Variants in RABGEF1 observed in about 807,000 individuals in gnomAD.
The protein encoded by RABGEF1 is RAB guanine nucleotide exchange factor 1, also known as rab5 GDP/GTP exchange factor.
RABGEF1 carries 26 observed loss-of-function variants against 57.3 expected under a neutral mutation model. The ratio of observed to expected loss-of-function variants is 0.45; its 90% CI spans 0.33 to 0.63. The LOEUF is 0.63. RABGEF1 is among the 20% of genes least tolerant of loss of function. The pLI is 0.02. For missense variants in RABGEF1, 464 were observed against 607.6 expected, an observed-to-expected ratio of 0.76 and a Z score of 2.48; for synonymous variants, 185 against 210.7, an observed-to-expected ratio of 0.88 and a Z score of 1.06.
intron 1 of RABGEF1, among the ~76,000 whole-genome samples, chr7:66,683,796 A>T (rs1351059549): frequency 4.6e-5 from 7 of 152,104 alleles, no homozygotes; most frequent in African/African-American, 1.7e-4. Context: ...GCTGGAGTAC[A>T]GTGACACGAT....
At chr7:66,731,986 T>G (rs1488213306) in intron 2 of RABGEF1, among the ~76,000 whole-genome samples, 1 of 152,122 alleles carries the variant, frequency 6.6e-6, no homozygotes, top group Non-Finnish European at 1.5e-5. Flanking sequence ...GACGATGATC[T>G]GGGGAGGAGA....
intron 1 of RABGEF1, among the ~76,000 whole-genome samples, chr7:66,760,320 T>C (rs192490952): frequency 9.8e-5 from 15 of 152,356 alleles, no homozygotes; most frequent in Non-Finnish European, 8.8e-5. Flanking sequence ...AAACTCAACA[T>C]GTTGCTCTTG....
intron 2 of RABGEF1, among the ~76,000 whole-genome samples, chr7:66,774,525 CTTG>C (rs1295876439): frequency 2.6e-5 from 4 of 152,178 alleles, no homozygotes; most frequent in African/African-American, 4.8e-5. Flanking sequence ...CTACATTCAG[CTTG>C]TTGTGAAGCA....
intron 4 of RABGEF1, among the ~76,000 whole-genome samples, chr7:66,785,788 G>T (rs1811029424): frequency 6.6e-6 from 1 of 152,026 alleles, no homozygotes; most frequent in Non-Finnish European, 1.5e-5. Context: ...GCAGGAGAAT[G>T]GCGTGAACCT....
At chr7:66,738,616 C>G (rs983479018), upstream of RABGEF1, among the ~76,000 whole-genome samples, 11 of 151,654 alleles carry the variant, frequency 7.3e-5, no homozygotes, top group African/African-American at 2.7e-4. Flanking sequence ...CCTATCATCC[C>G]AGCTACTAGG....
intron 2 of RABGEF1, among the ~76,000 whole-genome samples, chr7:66,724,884 A>T (rs1386574424): frequency 6.6e-6 from 1 of 152,046 alleles, no homozygotes; most frequent in African/African-American, 2.4e-5. Flanking sequence ...GTTTAGATAG[A>T]TTCAGGTTCA....
rs563401410 is a variant in RABGEF1 at position 66,727,575 on chromosome 7, G to T, written c.-814-12421G>T. The stretch of plus-strand genomic sequence containing the variant: ...GCTTGGGTGGAGAGATGAGATGTTT[G>T]GTTCTCTGAGCAGGAAGGGTCAGGA... On this transcript the variant is annotated intron_variant and NMD_transcript_variant, in intron 2 of 9. Coordinates refer to the RABGEF1 transcript ENST00000607882. Among the ~76,000 whole-genome samples, 237 of 152,354 alleles carry T rather than the reference G, an allele frequency of 1.6e-3. 2 individuals carry two copies. Among genetic ancestry groups the T allele is most frequent in the South Asian group, 7.0e-3 (34 of 4,828 alleles).
At chr7:66,700,820 G>A (rs1417154653) in intron 1 of RABGEF1, among the ~76,000 whole-genome samples, 2 of 152,240 alleles carry the variant, frequency 1.3e-5, no homozygotes, top group African/African-American at 2.4e-5. Flanking sequence ...ACTCTCTGAG[G>A]ACATCTCTGC....
At chr7:66,720,272 A>G (rs1412358465) in intron 2 of RABGEF1, among the ~76,000 whole-genome samples, 3 of 148,832 alleles carry the variant, frequency 2.0e-5, no homozygotes, top group Non-Finnish European at 4.4e-5. Context: ...ATCTCGGCTC[A>G]CTGTAACCTC....
At chr7:66,795,635 G>GATGAC in intron 5 of RABGEF1, 43 bp downstream of exon 5, 1 of 1,500,520 alleles carries the variant, frequency 6.7e-7, no homozygotes, top group Non-Finnish European at 9.3e-7. Context: ...ATTGCACAGG[G>GATGAC]ATGACTGCTC....
chr7:66,721,152 C>CT (rs1796008025), intron 2 of RABGEF1, among the ~76,000 whole-genome samples: 1 of 152,182 alleles, frequency 6.6e-6, no homozygotes, highest in Admixed American at 6.5e-5. Context: ...CTCCCGAGCT[C>CT]AAGTGATCTG....
the RABGEF1 span, among the ~76,000 whole-genome samples, chr7:66,661,570 C>T: frequency 2.0e-5 from 3 of 149,064 alleles, no homozygotes; most frequent in African/African-American, 4.9e-5. Context: ...CGAGTCTTCT[C>T]AAAAAAAAAG....
chr7:66,716,063 C>G (rs776376396), intron 2 of RABGEF1, among the ~76,000 whole-genome samples: 1 of 152,114 alleles, frequency 6.6e-6, no homozygotes, highest in Non-Finnish European at 1.5e-5. Context: ...TTGAGTTTGT[C>G]TATTTCTCCT....
intron 2 of RABGEF1, among the ~76,000 whole-genome samples, chr7:66,734,781 C>A (rs1204033439): frequency 3.3e-5 from 5 of 151,964 alleles, no homozygotes; most frequent in Admixed American, 6.6e-5. Flanking sequence ...ATATTGTTGT[C>A]ATTTCTCGGT....
intron 7 of RABGEF1, 28 bp downstream of exon 7, chr7:66,799,442 G>T: frequency 6.6e-7 from 1 of 1,521,820 alleles, no homozygotes; most frequent in South Asian, 1.1e-5. Context: ...CCTTTTTATT[G>T]GGATGTTTTC....
chr7:66,726,404 G>C (rs1796588002), intron 2 of RABGEF1, among the ~76,000 whole-genome samples: 1 of 152,094 alleles, frequency 6.6e-6, no homozygotes, highest in Non-Finnish European at 1.5e-5. Context: ...TTGCTCTGTT[G>C]TGCAGGCTGG....
At chr7:66,745,245 A>G (rs1422846389) in intron 1 of RABGEF1, among the ~76,000 whole-genome samples, 1 of 152,168 alleles carries the variant, frequency 6.6e-6, no homozygotes, top group African/African-American at 2.4e-5. Context: ...TACATATAGA[A>G]CTAAAATTCT....
At chr7:66,782,451 G>A (rs1381479551) in intron 3 of RABGEF1, among the ~76,000 whole-genome samples, 1 of 148,904 alleles carries the variant, frequency 6.7e-6, no homozygotes, top group East Asian at 2.0e-4. Context: ...ACATAGCACA[G>A]TGTACATACC....
intron 2 of RABGEF1, among the ~76,000 whole-genome samples, chr7:66,732,588 A>G (rs1423328307): frequency 6.6e-6 from 1 of 152,090 alleles, no homozygotes; most frequent in Non-Finnish European, 1.5e-5. Flanking sequence ...GGTGAAACCG[A>G]CAGTCTCCCC....
Sources: allele counts gnomAD v4.1 joint callset (sites outside exome capture counted in the v4.1 genomes callset), GRCh38; gene constraint gnomAD v4.1.1; transcripts MANE v1.5; gene names NCBI Gene and HGNC (gene_info 2026-07-23, HGNC 2026-07-21).